SCN8A: variants seen among roughly 807,000 people sequenced by gnomAD.
The protein encoded by SCN8A is sodium channel protein type 8 subunit alpha.
Under a neutral mutation model 184.1 loss-of-function variants are expected in SCN8A, and 30 were observed. The observed-to-expected ratio is 0.16, with a 90% confidence interval of 0.12 to 0.22. The LOEUF is 0.22. Ranked by LOEUF, SCN8A falls within the 10% of genes least tolerant of loss-of-function variation. The pLI, the probability that SCN8A is intolerant of heterozygous loss-of-function variation, is 1.00. For missense variants in SCN8A, 1,057 were observed against 2,498.9 expected (o/e 0.42, Z 12.30); for synonymous variants, 852 against 907.0 (o/e 0.94, Z 1.09).
In SCN8A at chr12:51,770,010, G is replaced by A. The variant is rs981333339; in HGVS notation, c.3490+25G>A. 2.1e-6 allele frequency: 3 copies of A among 1,450,316 alleles called. No individual in the cohort carries two copies. In the South Asian group the frequency reaches 3.6e-5, roughly 18 times the overall value. 89.8% of individuals were successfully genotyped at this position (1,450,316 alleles called of 1,614,324 possible). A position where few individuals can be genotyped will look rare whatever the true frequency, so the allele number is the denominator to read the frequency against. Reference sequence around the variant, plus strand: ...GGTGAAAGGGGATGAGGAGCGGATGGGCTGGGGACACTCGTGTTGCTCACA... The same window carrying A: ...GGTGAAAGGGGATGAGGAGCGGATGAGCTGGGGACACTCGTGTTGCTCACA... On this transcript the variant is annotated intron_variant, in intron 18 of 26. Coordinates refer to ENST00000627620, the MANE Select transcript of SCN8A (RefSeq NM_001330260.2).
intron 2 of SCN8A, among the ~76,000 whole-genome samples, chr12:51,667,292 A>T (rs1344145132): frequency 6.6e-6 from 1 of 152,102 alleles, no homozygotes; most frequent in Non-Finnish European, 1.5e-5. Context: ...CTCCATTAAA[A>T]GCCTTTGTTC....
At chr12:51,684,335 G>A (rs1448755222) in intron 3 of SCN8A, 43 bp downstream of exon 3, 2 of 936,416 alleles carry the variant, frequency 2.1e-6, no homozygotes, top group Non-Finnish European at 3.5e-6. Flanking sequence ...GCAATTGCAT[G>A]GTTGCTTGTT....
intron 1 of SCN8A, among the ~76,000 whole-genome samples, chr12:51,607,255 C>T (rs920155968): frequency 6.6e-6 from 1 of 152,144 alleles, no homozygotes; most frequent in Non-Finnish European, 1.5e-5. Context: ...AGAAGAGTTA[C>T]TGATTTGCAT....
chr12:51,620,231 TA>T (rs1175703866), intron 1 of SCN8A, among the ~76,000 whole-genome samples: 2 of 152,214 alleles, frequency 1.3e-5, no homozygotes, highest in Non-Finnish European at 2.9e-5. Context: ...TTTAATGTTA[TA>T]CTAGTGACCA....
At chr12:51,701,876 A>G (rs939029675) in intron 8 of SCN8A, among the ~76,000 whole-genome samples, 1 of 152,234 alleles carries the variant, frequency 6.6e-6, no homozygotes, top group African/African-American at 2.4e-5. Flanking sequence ...CACAATGTCT[A>G]GAAATCCATT....
intron 2 of SCN8A, among the ~76,000 whole-genome samples, chr12:51,683,720 T>C (rs941462927): frequency 2.6e-5 from 4 of 152,216 alleles, no homozygotes; most frequent in Non-Finnish European, 5.9e-5. Flanking sequence ...AGTTTTTATT[T>C]ATTGTCTGTC....
chr12:51,790,338 C>A, intron 24 of SCN8A, 60 bp from the exon 25 acceptor site: 1 of 1,249,742 alleles, frequency 8.0e-7, no homozygotes, highest in South Asian at 1.3e-5. Context: ...ACCTTAGGTC[C>A]AAACCCATAG....
At chr12:51,647,321 G>A (rs1940612221) in intron 1 of SCN8A, among the ~76,000 whole-genome samples, 1 of 152,224 alleles carries the variant, frequency 6.6e-6, no homozygotes, top group Non-Finnish European at 1.5e-5. Context: ...CCTTCAAAGG[G>A]TTTCTGGGGG....
chr12:51,632,926 C>G (rs996258925), intron 1 of SCN8A, among the ~76,000 whole-genome samples: 1 of 152,160 alleles, frequency 6.6e-6, no homozygotes, highest in African/African-American at 2.4e-5. Context: ...CTTCCCACCC[C>G]TCACTGTGAC....
chr12:51,679,150 C>T (rs1941281251), intron 2 of SCN8A, among the ~76,000 whole-genome samples: 2 of 151,968 alleles, frequency 1.3e-5, no homozygotes, highest in South Asian at 4.1e-4. Flanking sequence ...TAATCATAAT[C>T]CCAGCACTTT....
intron 16 of SCN8A, among the ~76,000 whole-genome samples, chr12:51,768,400 CCTT>C (rs1049720740): frequency 3.0e-4 from 45 of 152,184 alleles, no homozygotes; most frequent in African/African-American, 1.1e-3. Flanking sequence ...TTCAGTTCTA[CCTT>C]CTTGGTTTTT....
chr12:51,614,545 C>G (rs2138583721), intron 1 of SCN8A, among the ~76,000 whole-genome samples: 1 of 152,172 alleles, frequency 6.6e-6, no homozygotes, highest in South Asian at 2.1e-4. Context: ...CCCAGCTTCC[C>G]CTAATGTTAG....
In SCN8A at chr12:51,727,215, T is replaced by C. The variant is rs1206243491; in HGVS notation, c.1998+5307T>C. 2.0e-5 allele frequency among the ~76,000 whole-genome samples: 3 copies of C among 152,106 alleles called. No homozygotes were observed. The East Asian group carries it at 5.8e-4, about 29-fold the overall frequency. Reference sequence around the variant, plus strand: ...GGTTAAGAGAAATGGAACAAACTTGTACGGGGTTTAACTTCCAAAGAACTT... The same window carrying C: ...GGTTAAGAGAAATGGAACAAACTTGCACGGGGTTTAACTTCCAAAGAACTT... On this transcript the variant is annotated intron_variant, in intron 12 of 26. Coordinates refer to ENST00000627620, the MANE Select transcript of SCN8A (RefSeq NM_001330260.2).
chr12:51,771,309 C>T (rs910125593), intron 19 of SCN8A, among the ~76,000 whole-genome samples: 3 of 152,036 alleles, frequency 2.0e-5, no homozygotes, highest in Non-Finnish European at 4.4e-5. Context: ...GTTTTGAGGA[C>T]TGCCGGGACT....
intron 2 of SCN8A, among the ~76,000 whole-genome samples, chr12:51,675,890 G>A (rs977133444): frequency 6.6e-6 from 1 of 152,124 alleles, no homozygotes; most frequent in Non-Finnish European, 1.5e-5. Context: ...GAGTAGTTGT[G>A]AGACAATTAT....
rs372362686 is a variant in SCN8A at position 51,637,552 on chromosome 12, G to A, written c.-54-25212G>A. Reference sequence around the variant, plus strand: ...GTTCGAATGGTCTGGATAGAAGATCGTACTAGCCACAACATTTCCTTAAGC... The same window carrying A: ...GTTCGAATGGTCTGGATAGAAGATCATACTAGCCACAACATTTCCTTAAGC... On this transcript the variant is annotated intron_variant, in intron 1 of 26. Coordinates refer to ENST00000627620, the MANE Select transcript of SCN8A (RefSeq NM_001330260.2). Among the ~76,000 whole-genome samples, 25 of 152,304 alleles carry A rather than the reference G, an allele frequency of 1.6e-4. No homozygotes were observed. The East Asian group carries it at 2.1e-3, about 13-fold the overall frequency.
chr12:51,761,573 TC>T (rs1288028349), intron 14 of SCN8A, among the ~76,000 whole-genome samples: 1 of 151,994 alleles, frequency 6.6e-6, no homozygotes, highest in Non-Finnish European at 1.5e-5. Flanking sequence ...CACTGCAACC[TC>T]TGCCTCCCGG....
intron 1 of SCN8A, among the ~76,000 whole-genome samples, chr12:51,628,304 A>G (rs1940123454): frequency 6.6e-6 from 1 of 152,202 alleles, no homozygotes; most frequent in African/African-American, 2.4e-5. Flanking sequence ...TTTGTTTAGA[A>G]GTGACTCATT....
At chr12:51,725,877 A>G (rs1005599415) in intron 12 of SCN8A, among the ~76,000 whole-genome samples, 24 of 152,220 alleles carry the variant, frequency 1.6e-4, no homozygotes, top group African/African-American at 5.5e-4. Flanking sequence ...AACATTTTGG[A>G]TGCATCCACA....
Sources: gnomAD v4.1 joint callset for allele counts (sites outside exome capture counted in the v4.1 genomes callset) on GRCh38, gnomAD v4.1.1 for gene constraint, MANE v1.5 for transcripts, NCBI Gene and HGNC (gene_info 2026-07-23, HGNC 2026-07-21) for gene names.